Variants in ACAD10 observed in about 807,000 individuals in gnomAD.
ACAD10 encodes the protein acyl-CoA dehydrogenase family member 10.
Under a neutral mutation model 116.8 loss-of-function variants are expected in ACAD10, and 112 were observed. The ratio of observed to expected loss-of-function variants is 0.96; its 90% CI spans 0.82 to 1.12. The LOEUF (loss-of-function observed/expected upper bound fraction) is 1.12. Among genes scored for constraint, ACAD10 ranks in the 50% most tolerant of loss-of-function variants. The pLI, the probability that ACAD10 is intolerant of heterozygous loss-of-function variation, is 0.00. For synonymous variants in ACAD10, 486 were observed against 510.6 expected (o/e 0.95, Z 0.65); for missense variants, 1,259 against 1,350.2 (o/e 0.93, Z 1.06).
At chr12:111,747,265 GTC>G in intron 15 of ACAD10, 28 bp from the exon 16 acceptor site, 6 of 1,613,856 alleles carry the variant, frequency 3.7e-6, no homozygotes, top group Middle Eastern at 3.3e-4. Context: ...GTCTGCTGGC[GTC>G]TCTGACTGGA....
chr12:111,722,047 G>GT (rs1325891063), intron 8 of ACAD10: 2 of 190,760 alleles, frequency 1.0e-5, no homozygotes, highest in East Asian at 1.2e-4. Context: ...GTTTTGTTTT[G>GT]TTTTTTTGAG....
At chr12:111,755,857 C>A (rs751395797) in intron 20 of ACAD10, 112 bp downstream of exon 20, 1 of 1,085,552 alleles carries the variant, frequency 9.2e-7, no homozygotes, top group Non-Finnish European at 1.4e-6. Context: ...CCTGTGTCAC[C>A]CACTCACCAT....
chr12:111,745,105 C>A (rs762611314), intron 13 of ACAD10, 62 bp downstream of exon 13: 3 of 1,525,782 alleles, frequency 2.0e-6, no homozygotes, highest in Non-Finnish European at 2.6e-6. Context: ...CCCGACCCCA[C>A]CGGGCTCACC....
At chr12:111,707,709 GCTA>G (rs1396994720) in intron 4 of ACAD10, among the ~76,000 whole-genome samples, 1 of 152,210 alleles carries the variant, frequency 6.6e-6, no homozygotes, top group Non-Finnish European at 1.5e-5. Flanking sequence ...CTTTGGAAGA[GCTA>G]CTTTTGCTGG....
At chr12:111,725,005 C>T (rs957513023) in intron 8 of ACAD10, among the ~76,000 whole-genome samples, 3 of 152,074 alleles carry the variant, frequency 2.0e-5, no homozygotes, top group Non-Finnish European at 4.4e-5. Flanking sequence ...ACATTTGAAA[C>T]CTTCAGAAAA....
Position 111,708,007 on chromosome 12 carries a change from C to T in ACAD10, c.532-1519C>T, listed in dbSNP as rs117988093. Among the ~76,000 whole-genome samples the T allele has an allele frequency of 5.9e-4, 90 of 152,322 alleles. 1 individual carries two copies. The East Asian group carries it at 0.017, about 28-fold the overall frequency. ...TGAGGGACTTCAGATTCTGTCCATG[C>T]TTTTCTCTTATCAGACAGCCTCTGT... is the stretch of plus-strand genomic sequence containing the variant. On this transcript the variant is annotated intron_variant, in intron 4 of 20. Transcript: ENST00000313698.
intron 18 of ACAD10, among the ~76,000 whole-genome samples, chr12:111,750,182 A>C (rs1376013967): frequency 6.8e-6 from 1 of 146,730 alleles, no homozygotes; most frequent in Admixed American, 6.9e-5. Context: ...ACCTCTGCCT[A>C]CTGGGTTCAC....
At position 111,744,843 on chromosome 12, in the gene ACAD10, G is replaced by T. The variant is rs139313175; in HGVS notation, c.1915G>T (p.Val639Phe). 3 of 1,614,178 alleles carry T rather than the reference G, an allele frequency of 1.9e-6. No individual in the cohort carries two copies. The highest frequency in any genetic ancestry group is 2.5e-6 in the Non-Finnish European group (3 of 1,180,030). Reference sequence around the variant, plus strand: ...CACAGGCAGCAGGAGTTATAGCTCCGTTCCAGAAGCTTCCCCAGCTCATAC... The same window carrying T: ...CACAGGCAGCAGGAGTTATAGCTCCTTTCCAGAAGCTTCCCCAGCTCATAC... ...CPTGSRSYSS[V>F]PEASPAHTSR... The change falls in exon 13 of 21, where the codon GTT becomes TTT. Residue 639 changes from valine (V) to phenylalanine (F), a missense_variant. Transcript: ENST00000313698.
In ACAD10 at chr12:111,748,928, G is replaced by A. The variant is rs761098941; in HGVS notation, c.2645-245G>A. The A allele has an allele frequency of 6.2e-5, 82 of 1,321,650 alleles. 1 individual carries two copies. Among genetic ancestry groups the A allele is most frequent in the Non-Finnish European group, 8.4e-5 (79 of 942,836 alleles). 81.9% of individuals were successfully genotyped at this position (1,321,650 alleles called of 1,614,324 possible). A position where few individuals can be genotyped will look rare whatever the true frequency, so the allele number is the denominator to read the frequency against. ...ACCACTAGGAGCTTCAGCTTAAGGTGGCATTATTATGTTTTTATAAAAGGA... is the reference window on the plus strand; with the variant it reads ...ACCACTAGGAGCTTCAGCTTAAGGTAGCATTATTATGTTTTTATAAAAGGA... On this transcript the variant is annotated intron_variant, in intron 17 of 20. Coordinates refer to ENST00000313698, the MANE Select transcript of ACAD10 (RefSeq NM_025247.6).
intron 10 of ACAD10, among the ~76,000 whole-genome samples, chr12:111,733,444 G>C (rs1265466567): frequency 6.6e-6 from 1 of 152,078 alleles, no homozygotes; most frequent in African/African-American, 2.4e-5. Flanking sequence ...AAGAGACAGA[G>C]GGCTGGGCAG....
At position 111,705,750 on chromosome 12, in the gene ACAD10, G is replaced by T; in HGVS notation, c.349G>T (p.Val117Leu). 6.2e-7 allele frequency: 1 copy of T among 1,613,928 alleles called. No homozygotes were observed. The highest frequency in any genetic ancestry group is 1.7e-4 in the Middle Eastern group (1 of 6,058). ...RLCSEMLKTSVPVDSFFSLLT... is the reference protein window; with the variant it reads ...RLCSEMLKTSLPVDSFFSLLT... ...CTCCTGTTCTTAGTTAAAGACCTCC[G>T]TGCCTGTGGACTCATTTTTCTCTCT... The change falls in exon 4 of 21, where the codon GTG becomes TTG. Residue 117 changes from valine (V) to leucine (L), a missense_variant. Val to Leu is a conservative substitution (Grantham distance 32). Coordinates refer to ENST00000313698, the MANE Select transcript of ACAD10 (RefSeq NM_025247.6).
intron 7 of ACAD10, among the ~76,000 whole-genome samples, chr12:111,720,113 C>G (rs966107007): frequency 6.6e-6 from 1 of 152,202 alleles, no homozygotes. Flanking sequence ...ATCCGCCCGC[C>G]TCGGCCTCCC....
At chr12:111,735,698 G>A (rs1037182609) in intron 11 of ACAD10, among the ~76,000 whole-genome samples, 5 of 151,986 alleles carry the variant, frequency 3.3e-5, no homozygotes, top group South Asian at 2.1e-4. Flanking sequence ...CTCATGATCC[G>A]CCCGCCTTGG....
intron 2 of ACAD10, among the ~76,000 whole-genome samples, chr12:111,698,761 C>T (rs927801417): frequency 1.3e-5 from 2 of 152,192 alleles, no homozygotes; most frequent in African/African-American, 4.8e-5. Context: ...CAGGCATGAG[C>T]CACTGCGCCC....
intron 8 of ACAD10, among the ~76,000 whole-genome samples, chr12:111,722,592 C>T (rs923577683): frequency 6.6e-6 from 1 of 151,646 alleles, no homozygotes; most frequent in South Asian, 2.1e-4. Flanking sequence ...TGACTCTTAA[C>T]GAGCATGCTG....
chr12:111,729,597 C>T (rs1305615771), intron 9 of ACAD10, among the ~76,000 whole-genome samples: 1 of 152,140 alleles, frequency 6.6e-6, no homozygotes, highest in Non-Finnish European at 1.5e-5. Flanking sequence ...GCACCCAGAC[C>T]ACACTAATCC....
At chr12:111,717,634 T>C (rs1888882471) in intron 7 of ACAD10, among the ~76,000 whole-genome samples, 2 of 151,866 alleles carry the variant, frequency 1.3e-5, no homozygotes, top group African/African-American at 4.8e-5. Context: ...GGTGTGATGA[T>C]ACCTCACTAT....
At chr12:111,754,931 C>A (rs775417399) in intron 19 of ACAD10, among the ~76,000 whole-genome samples, 6 of 152,212 alleles carry the variant, frequency 3.9e-5, no homozygotes, top group Non-Finnish European at 7.3e-5. Context: ...GCCAACATGG[C>A]GCCCTTCATC....
At chr12:111,711,979 T>G (rs1483291069) in intron 5 of ACAD10, among the ~76,000 whole-genome samples, 1 of 152,242 alleles carries the variant, frequency 6.6e-6, no homozygotes, top group Non-Finnish European at 1.5e-5. Context: ...TGTTTTTATT[T>G]TTCTCAGCAT....
Sources: gnomAD v4.1 joint callset for allele counts (sites outside exome capture counted in the v4.1 genomes callset) on GRCh38, gnomAD v4.1.1 for gene constraint, MANE v1.5 for transcripts, NCBI Gene and HGNC (gene_info 2026-07-23, HGNC 2026-07-21) for gene names.